The following KIAA1614 variants were observed in gnomAD, a reference collection of about 807,000 sequenced individuals.
KIAA1614 encodes uncharacterized protein KIAA1614.
In KIAA1614, 76 loss-of-function variants were observed where a neutral mutation model predicts 88.7. The ratio of observed to expected loss-of-function variants is 0.86; its 90% CI spans 0.71 to 1.04. The LOEUF (loss-of-function observed/expected upper bound fraction) is 1.04, where lower values mean the gene tolerates loss of function less well. Among genes scored for constraint, KIAA1614 ranks in the 50% least tolerant of loss-of-function variants. The probability of loss-of-function intolerance (pLI) is 0.00; values close to 1 mark genes in which losing one functional copy is unlikely to be tolerated. For synonymous variants in KIAA1614, 714 were observed against 675.5 expected, an observed-to-expected ratio of 1.06 and a Z score of -0.88; for missense variants, 1,553 against 1,582.5, an observed-to-expected ratio of 0.98 and a Z score of 0.32.
At chr1:180,945,157 C>CT in intron 8 of KIAA1614, 146 bp from the exon 9 acceptor site, 4 of 1,007,958 alleles carry the variant, frequency 4.0e-6, no homozygotes. Context: ...CTAGCAGGCT[C>CT]TTTTTGCTGG....
intron 4 of KIAA1614, among the ~76,000 whole-genome samples, chr1:180,934,315 G>A (rs966313099): frequency 5.3e-5 from 8 of 151,406 alleles, no homozygotes; most frequent in Non-Finnish European, 8.8e-5. Flanking sequence ...CAGGCTGGGC[G>A]CAGTGGTGCA....
chr1:180,932,037 G>A (rs1654208905), intron 4 of KIAA1614, among the ~76,000 whole-genome samples: 1 of 152,076 alleles, frequency 6.6e-6, no homozygotes, highest in Admixed American at 6.5e-5. Context: ...TGCTTCTGAA[G>A]AGCTCACCAT....
chr1:180,917,531 A>G (rs1308324746), intron 2 of KIAA1614, among the ~76,000 whole-genome samples: 2 of 152,140 alleles, frequency 1.3e-5, no homozygotes, highest in Non-Finnish European at 2.9e-5. Context: ...GGCTGAGCTC[A>G]GACGGTAGCA....
Position 180,949,105 on chromosome 1 carries a change from G to A in KIAA1614, c.*3517G>A, listed in dbSNP as rs1473707720. On this transcript the variant is annotated 3_prime_UTR_variant, in exon 9 of 9. Transcript: ENST00000367588. Reference sequence around the variant, plus strand: ...AGGAGCAGACCTGATGCCCTTTCGGGCCCCTGCTAAGAACCTGATTCGAGG... The same window carrying A: ...AGGAGCAGACCTGATGCCCTTTCGGACCCCTGCTAAGAACCTGATTCGAGG... 1 of 152,316 alleles carries A rather than the reference G, an allele frequency of 6.6e-6. No homozygotes were observed. Among genetic ancestry groups the A allele is most frequent in the Admixed American group, 6.5e-5 (1 of 15,292 alleles). 9.4% of individuals were successfully genotyped at this position (152,316 alleles called of 1,614,324 possible).
At chr1:180,921,037 G>T (rs7515553) in intron 3 of KIAA1614, among the ~76,000 whole-genome samples, 4 of 152,134 alleles carry the variant, frequency 2.6e-5, no homozygotes, top group Admixed American at 6.5e-5. Context: ...GCACGTCCGT[G>T]TGAAAAGACC....
Position 180,944,460 on chromosome 1 carries a change from GA to G in KIAA1614, c.3233del (p.Asn1078ThrfsTer8), listed in dbSNP as rs781451598. 12 of 1,613,776 alleles carry G rather than the reference GA, an allele frequency of 7.4e-6. No homozygotes were observed. Among genetic ancestry groups the G allele is most frequent in the Non-Finnish European group, 8.5e-6 (10 of 1,179,876 alleles). On this transcript the variant is annotated frameshift_variant, in exon 8 of 9. Transcript: ENST00000367588. LOFTEE classifies it high-confidence loss of function. The part of the protein sequence containing the change: ...NLHSLLSSKG[N>X]RSSLYLVAGP... ...TCCATTCTCTGCTGAGCAGCAAGGG[GA>G]ACCGGTCCAGCCTCTACCTGGTAGC...
chr1:180,918,789 G>A (rs1435611571), intron 3 of KIAA1614, among the ~76,000 whole-genome samples: 2 of 152,226 alleles, frequency 1.3e-5, no homozygotes, highest in Non-Finnish European at 2.9e-5. Context: ...TCCAGAAAAC[G>A]TGGACAGACC....
chr1:180,934,021 G>A (rs561345535), intron 4 of KIAA1614, among the ~76,000 whole-genome samples: 84 of 152,332 alleles, frequency 5.5e-4, no homozygotes, highest in African/African-American at 1.9e-3. Flanking sequence ...TTGGGAGGTC[G>A]AGGCAGGCAG....
Position 180,916,315 on chromosome 1 carries a change from G to GCCC in KIAA1614, c.212_213insCCC (p.Arg71delinsSerPro), listed in dbSNP as rs776696462. 6.2e-7 allele frequency: 1 copy of GCCC among 1,614,070 alleles called. No individual in the cohort carries two copies. Among genetic ancestry groups the GCCC allele is most frequent in the East Asian group, 2.2e-5 (1 of 44,886 alleles). On this transcript the variant is annotated protein_altering_variant, in exon 2 of 9. Transcript: ENST00000367588. ...AGCCTGATGGCCCCCCAGCCTCCCA[G>GCCC]GGTATGGGGAGTACAGCTCCAGGGC... is the stretch of plus-strand genomic sequence containing the variant.
intron 3 of KIAA1614, among the ~76,000 whole-genome samples, chr1:180,923,173 G>A (rs1395678292): frequency 3.3e-5 from 5 of 152,192 alleles, no homozygotes; most frequent in Non-Finnish European, 5.9e-5. Flanking sequence ...GGGTGTTTGT[G>A]GAGGCCTCAT....
intron 1 of KIAA1614, 54 bp downstream of exon 1, chr1:180,913,347 G>A: frequency 8.5e-7 from 1 of 1,174,562 alleles, no homozygotes; most frequent in Non-Finnish European, 1.1e-6. Flanking sequence ...GCGGACCGGC[G>A]GGGCGGAGGA....
chr1:180,944,746 G>C (rs547672997), intron 8 of KIAA1614: 1 of 399,020 alleles, frequency 2.5e-6, no homozygotes, highest in African/African-American at 2.0e-5. Context: ...GTCGCTGGAG[G>C]GGGTAGAGTT....
intron 3 of KIAA1614, among the ~76,000 whole-genome samples, chr1:180,926,094 GCAAAAAGCCGTCT>G (rs1236753057): frequency 1.3e-5 from 2 of 152,144 alleles, no homozygotes; most frequent in Non-Finnish European, 2.9e-5. Flanking sequence ...CAAGACAGTG[GCAAAAAGCCGTCT>G]CTTCTTAGGC....
intron 4 of KIAA1614, among the ~76,000 whole-genome samples, chr1:180,934,208 C>A (rs569420506): frequency 8.2e-5 from 12 of 146,446 alleles, no homozygotes; most frequent in Non-Finnish European, 1.3e-4. Context: ...CCTGAGATCA[C>A]GCCATTGCAC....
chr1:180,917,195 G>T, intron 2 of KIAA1614, 95 bp downstream of exon 2: 1 of 949,880 alleles, frequency 1.1e-6, no homozygotes, highest in Non-Finnish European at 1.6e-6. Flanking sequence ...AGGGAGTGGG[G>T]CAGGAAAGGA....
rs138385772 is a variant in KIAA1614 at position 180,933,020 on chromosome 1, G to A, written c.1206-2095G>A. Among the ~76,000 whole-genome samples, 462 of 152,300 alleles carry A rather than the reference G, an allele frequency of 3.0e-3. 2 individuals are homozygous for A. Among genetic ancestry groups the A allele is most frequent in the African/African-American group, 0.01 (425 of 41,558 alleles). On this transcript the variant is annotated intron_variant, in intron 4 of 8. Transcript: ENST00000367588. ...CCTTCAAAGTGCTAGGATCACAGGC[G>A]TGAGCCACTGCGCCTGGCCAGCAGG...
rs368624047 is a variant in KIAA1614 at position 180,928,450 on chromosome 1, A to G, written c.1082A>G (p.Glu361Gly). The change falls in exon 4 of 9, where the codon GAG becomes GGG. Residue 361 changes from glutamate to glycine, a missense_variant. Coordinates refer to ENST00000367588, the MANE Select transcript of KIAA1614 (RefSeq NM_020950.2). ...GQNRTVGPNP[E>G]PVLSPRHEEA... ...TGCAGGACCGTTGGTCCCAACCCGG[A>G]GCCTGTGCTGAGCCCCAGGCATGAG... The G allele has an allele frequency of 1.9e-5, 31 of 1,612,802 alleles. No individual in the cohort carries two copies. The highest frequency in any genetic ancestry group is 2.5e-5 in the Non-Finnish European group (30 of 1,179,658).
At position 180,945,595 on chromosome 1, in the gene KIAA1614, C is replaced by G; in HGVS notation, c.*7C>G. The G allele has an allele frequency of 6.3e-7, 1 of 1,596,648 alleles. No homozygotes were observed. The highest frequency in any genetic ancestry group is 2.2e-5 in the East Asian group (1 of 44,706). ...TTTTCTGGTCTTTGGCTGAGCCGTG[C>G]AGCTCTGGGAATTCAGAAAGCCTCT... On this transcript the variant is annotated 3_prime_UTR_variant, in exon 9 of 9. Coordinates refer to ENST00000367588, the MANE Select transcript of KIAA1614 (RefSeq NM_020950.2).
chr1:180,931,850 G>A (rs1172546633), intron 4 of KIAA1614, among the ~76,000 whole-genome samples: 1 of 152,172 alleles, frequency 6.6e-6, no homozygotes, highest in Non-Finnish European at 1.5e-5. Context: ...CCAGCGGACA[G>A]GGCACTAGCT....
Sources: allele counts gnomAD v4.1 joint callset (sites outside exome capture counted in the v4.1 genomes callset), GRCh38; gene constraint gnomAD v4.1.1; transcripts MANE v1.5; gene names NCBI Gene and HGNC (gene_info 2026-07-23, HGNC 2026-07-21).